MED27: variants seen among roughly 807,000 people sequenced by gnomAD.
MED27 encodes the protein mediator of RNA polymerase II transcription subunit 27.
A neutral mutation model predicts 38.2 loss-of-function variants in MED27; 30 were observed. The observed-to-expected ratio is 0.79, with a 90% confidence interval of 0.59 to 1.07. The LOEUF is 1.07. Ranked by LOEUF, MED27 falls within the 50% of genes least tolerant of loss-of-function variation. The pLI, the probability that MED27 is intolerant of heterozygous loss-of-function variation, is 0.00. For missense variants in MED27, 289 were observed against 397.5 expected (o/e 0.73, Z 2.32); for synonymous variants, 122 against 153.5 (o/e 0.79, Z 1.52).
rs59216352 is a variant in MED27, at chr9:131,873,777, G to C, written c.723+10281C>G. Among the ~76,000 whole-genome samples the C allele has an allele frequency of 5.5e-3, 838 of 152,322 alleles. 3 individuals are homozygous for C. The highest frequency in any genetic ancestry group is 0.019 in the African/African-American group (787 of 41,556). ...CCGAAATCCCTGCTGACACTTTAGA[G>C]ATCAAGCTCTGTGTCTGAGAGGGGC... On this transcript the variant is annotated intron_variant, in intron 6 of 7. Transcript: ENST00000292035.
At chr9:131,894,221 T>C (rs1829786802) in intron 4 of MED27, among the ~76,000 whole-genome samples, 1 of 152,240 alleles carries the variant, frequency 6.6e-6, no homozygotes, top group African/African-American at 2.4e-5. Context: ...AATTTATTTA[T>C]ATTTTTGGCT....
chr9:131,878,194 A>C (rs535720785), intron 6 of MED27, among the ~76,000 whole-genome samples: 1 of 152,004 alleles, frequency 6.6e-6, no homozygotes, highest in East Asian at 1.9e-4. Flanking sequence ...AATTGCTTGA[A>C]CCTGGGAAGT....
intron 3 of MED27, among the ~76,000 whole-genome samples, chr9:131,943,456 C>T (rs1309052369): frequency 6.6e-6 from 1 of 152,184 alleles, no homozygotes; most frequent in Non-Finnish European, 1.5e-5. Flanking sequence ...GCACGGCTAG[C>T]GTCTGCAGCG....
chr9:131,986,708 GA>G (rs1192678131), intron 3 of MED27, among the ~76,000 whole-genome samples: 1 of 152,130 alleles, frequency 6.6e-6, no homozygotes, highest in East Asian at 1.9e-4. Context: ...CACAATGATG[GA>G]AGAGCCTAAT....
chr9:131,908,602 T>A (rs1341092455), intron 4 of MED27, among the ~76,000 whole-genome samples: 1 of 152,224 alleles, frequency 6.6e-6, no homozygotes, highest in Non-Finnish European at 1.5e-5. Context: ...CTCTGAAACA[T>A]GTGCTGTGTC....
chr9:131,876,925 A>T (rs1020577061), intron 6 of MED27, among the ~76,000 whole-genome samples: 4 of 152,246 alleles, frequency 2.6e-5, no homozygotes, highest in Non-Finnish European at 4.4e-5. Flanking sequence ...GAACGCACAG[A>T]AACAGATGAA....
chr9:132,048,527 G>A (rs1833395379), intron 2 of MED27, among the ~76,000 whole-genome samples: 1 of 152,110 alleles, frequency 6.6e-6, no homozygotes, highest in African/African-American at 2.4e-5. Flanking sequence ...CACACAGAAC[G>A]CCACTAGTAA....
intron 3 of MED27, among the ~76,000 whole-genome samples, chr9:131,984,426 CAGGCACTGTTCT>C (rs1431767797): frequency 6.6e-6 from 1 of 152,152 alleles, no homozygotes; most frequent in African/African-American, 2.4e-5. Context: ...ACTTGTTTGC[CAGGCACTGTTCT>C]AGGCACTGGG....
chr9:131,975,324 G>A (rs1242362706), intron 3 of MED27, among the ~76,000 whole-genome samples: 1 of 152,188 alleles, frequency 6.6e-6, no homozygotes, highest in Non-Finnish European at 1.5e-5. Context: ...AGAATATGTA[G>A]GAATTTGGCT....
At position 131,967,486 on chromosome 9, in the gene MED27, T is replaced by A. The variant is rs539082810; in HGVS notation, c.480-28012A>T. On this transcript the variant is annotated intron_variant, in intron 3 of 7. Coordinates refer to ENST00000292035, the MANE Select transcript of MED27 (RefSeq NM_004269.4). ...AGAAAACACTTTCCTCTCATGAATC[T>A]TTTTTTTTTTTTTTTAAGTTTTGAG... Among the ~76,000 whole-genome samples, 984 of 130,782 alleles carry A rather than the reference T, an allele frequency of 7.5e-3. 10 individuals are homozygous for A. Among genetic ancestry groups the A allele is most frequent in the African/African-American group, 0.031 (912 of 29,788 alleles). The allele number at this position is 130,782 out of a possible 152,430, so 85.8% of individuals were successfully genotyped here. A position where few individuals can be genotyped will look rare whatever the true frequency, so the allele number is the denominator to read the frequency against.
chr9:131,881,816 T>TTTTTTTTTG, intron 6 of MED27, among the ~76,000 whole-genome samples: 3 of 139,526 alleles, frequency 2.2e-5, no homozygotes, highest in Non-Finnish European at 3.1e-5. Context: ...TTTTTTTTTT[T>TTTTTTTTTG]TTTTTTTTGA....
At chr9:131,944,752 G>A (rs1376167195) in intron 3 of MED27, among the ~76,000 whole-genome samples, 10 of 151,920 alleles carry the variant, frequency 6.6e-5, no homozygotes, top group African/African-American at 2.4e-4. Context: ...GGCTGGTCTC[G>A]AACTCCTGAC....
intron 2 of MED27, among the ~76,000 whole-genome samples, chr9:132,027,393 G>C (rs77522969): frequency 6.6e-6 from 1 of 152,166 alleles, no homozygotes; most frequent in Non-Finnish European, 1.5e-5. Context: ...GGATTCTTCT[G>C]GGCTGCTTCT....
rs548402653 is a variant in MED27 at position 131,917,311 on chromosome 9, G to A, written c.573+22070C>T. 3.9e-5 allele frequency among the ~76,000 whole-genome samples: 6 copies of A among 152,232 alleles called. No homozygotes were observed. In the South Asian group the frequency reaches 1.2e-3, roughly 32 times the overall value. On this transcript the variant is annotated intron_variant, in intron 4 of 7. Coordinates refer to ENST00000292035, the MANE Select transcript of MED27 (RefSeq NM_004269.4). The surrounding 1 kb of genome is among the most constrained non-coding windows in gnomAD (Gnocchi z 4.6). Reference sequence around the variant, plus strand: ...ATACCCAGGGAAGGGAGGAGAGAGGGAAGAAGAGGAGAAAGGTCAACTGAG... The same window carrying A: ...ATACCCAGGGAAGGGAGGAGAGAGGAAAGAAGAGGAGAAAGGTCAACTGAG...
In MED27 at chr9:132,053,240, G is replaced by A. The variant is rs1343269943; in HGVS notation, c.348+24202C>T. 9.4e-5 allele frequency among the ~76,000 whole-genome samples: 14 copies of A among 148,540 alleles called. No individual in the cohort carries two copies. The South Asian group carries it at 1.1e-3, about 11-fold the overall frequency. On this transcript the variant is annotated intron_variant, in intron 2 of 7. Transcript: ENST00000292035. ...TGCGCTCCAGCCTGGGCGACAGAGCGAGACTCCCGTCTCAAAAAAAAAAAA... is the reference window on the plus strand; with the variant it reads ...TGCGCTCCAGCCTGGGCGACAGAGCAAGACTCCCGTCTCAAAAAAAAAAAA...
chr9:131,880,933 A>G (rs1019844696), intron 6 of MED27, among the ~76,000 whole-genome samples: 7 of 151,774 alleles, frequency 4.6e-5, no homozygotes, highest in African/African-American at 1.5e-4. Context: ...TGCAAAAGTG[A>G]GCATGTGCAA....
chr9:131,961,342 C>T (rs769168365), intron 3 of MED27, among the ~76,000 whole-genome samples: 2 of 152,208 alleles, frequency 1.3e-5, no homozygotes, highest in Non-Finnish European at 2.9e-5. Flanking sequence ...AATCACATCC[C>T]AAACACAGAA....
At chr9:131,903,083 G>GA (rs72546233) in intron 4 of MED27, among the ~76,000 whole-genome samples, 22 of 152,092 alleles carry the variant, frequency 1.4e-4, no homozygotes, top group African/African-American at 4.8e-4. Flanking sequence ...GGTGGCCACG[G>GA]GTGTATTAGT....
chr9:131,870,567 C>T (rs908194304), intron 6 of MED27, among the ~76,000 whole-genome samples: 1 of 152,170 alleles, frequency 6.6e-6, no homozygotes, highest in African/African-American at 2.4e-5. Flanking sequence ...GAGTTTGTTC[C>T]GACCTTCTGA....
Sources: gnomAD v4.1 joint callset for allele counts (sites outside exome capture counted in the v4.1 genomes callset) on GRCh38, gnomAD v4.1.1 for gene constraint, Gnocchi (gnomAD v3.1) non-coding constraint, MANE v1.5 for transcripts, NCBI Gene and HGNC (gene_info 2026-07-23, HGNC 2026-07-21) for gene names.